TMPRSS6: variants seen among roughly 807,000 people sequenced by gnomAD.
TMPRSS6 encodes the protein transmembrane protease serine 6.
Under a neutral mutation model 101.5 loss-of-function variants are expected in TMPRSS6, and 67 were observed. That is an observed-to-expected ratio of 0.66 (90% CI 0.54 to 0.81). TMPRSS6 has a LOEUF of 0.81. Among genes scored for constraint, TMPRSS6 ranks in the 30% least tolerant of loss-of-function variants. TMPRSS6 has a pLI of 0.00. For synonymous variants in TMPRSS6, 453 were observed against 464.9 expected (o/e 0.97, Z 0.33); for missense variants, 1,034 against 1,088.7 (o/e 0.95, Z 0.71).
chr22:37,087,540 G>A (rs1008048977), intron 7 of TMPRSS6, among the ~76,000 whole-genome samples: 2 of 152,062 alleles, frequency 1.3e-5, no homozygotes, highest in Non-Finnish European at 2.9e-5. Context: ...CATTTCCCCT[G>A]GCCTCTTGCC....
At chr22:37,100,087 C>T (rs9610649) in intron 2 of TMPRSS6, among the ~76,000 whole-genome samples, 54,925 of 152,054 alleles carry the variant, frequency 0.36, 10,094 homozygotes, top group African/African-American at 0.37. Context: ...CCTGCCTCAG[C>T]CTCGCAAGTA....
intron 10 of TMPRSS6, among the ~76,000 whole-genome samples, chr22:37,078,972 A>AG (rs1491237753): frequency 4.2e-4 from 9 of 21,284 alleles, no homozygotes; most frequent in South Asian, 2.6e-3. Flanking sequence ...AGAAAGAAAG[A>AG]AAAAGAAAGA....
Position 37,066,814 on chromosome 22 carries a change from C to A in TMPRSS6, c.2250+12G>T. ...CTCCCTCCTCTCTCCCTCCCATGCC[C>A]GGGGGACTCACCTGACAGGCATCCT... On this transcript the variant is annotated intron_variant, in intron 17 of 17. Transcript: ENST00000676104. The A allele has an allele frequency of 6.2e-7, 1 of 1,614,148 alleles. No individual in the cohort carries two copies.
rs900336646 is a variant in TMPRSS6, at chr22:37,065,730, G to A, written c.*350C>T. ...AAACAGCCTCTGTACAGAGTGGGGC[G>A]CACCTCAGACACTCCTCGGGATGTA... is the stretch of plus-strand genomic sequence containing the variant. On this transcript the variant is annotated 3_prime_UTR_variant, in exon 18 of 18. Coordinates refer to ENST00000676104, the MANE Select transcript of TMPRSS6 (RefSeq NM_001374504.1). The A allele has an allele frequency of 4.2e-5, 15 of 354,764 alleles. No homozygotes were observed. Among genetic ancestry groups the A allele is most frequent in the East Asian group, 3.2e-4 (5 of 15,858 alleles). The allele number at this position is 354,764 out of a possible 1,614,324, so 22.0% of individuals were successfully genotyped here.
In TMPRSS6 at chr22:37,066,374, T is replaced by C. The variant is rs1479897716; in HGVS notation, c.2251-136A>G. ...GTCACGTTCAGTCTTAAAGCTCTGC[T>C]TTCCCCTCGCCTGCTAAATGGAGAG... is the stretch of plus-strand genomic sequence containing the variant. On this transcript the variant is annotated intron_variant, in intron 17 of 17. Coordinates refer to ENST00000676104, the MANE Select transcript of TMPRSS6 (RefSeq NM_001374504.1). The C allele has an allele frequency of 1.0e-5, 10 of 975,518 alleles. No homozygotes were observed. The East Asian group carries it at 2.6e-4, about 26-fold the overall frequency. 60.4% of individuals were successfully genotyped at this position (975,518 alleles called of 1,614,324 possible). A position where few individuals can be genotyped will look rare whatever the true frequency, so the allele number is the denominator to read the frequency against.
At chr22:37,085,217 C>T (rs145223620) in intron 8 of TMPRSS6, among the ~76,000 whole-genome samples, 366 of 152,166 alleles carry the variant, frequency 2.4e-3, no homozygotes, top group African/African-American at 8.3e-3. Context: ...AGATGAGGTT[C>T]GGAGAAAAGG....
At chr22:37,098,851 A>G (rs1930055738) in intron 2 of TMPRSS6, among the ~76,000 whole-genome samples, 2 of 152,208 alleles carry the variant, frequency 1.3e-5, no homozygotes, top group Admixed American at 6.5e-5. Flanking sequence ...CACCAATGAC[A>G]TGAAGGCCAG....
intron 13 of TMPRSS6, among the ~76,000 whole-genome samples, chr22:37,072,400 TGATG>T (rs1484924793): frequency 1.6e-5 from 2 of 127,174 alleles, no homozygotes; most frequent in South Asian, 2.6e-4. Context: ...GATCGATGGA[TGATG>T]GATGGATGGA....
chr22:37,069,361 T>A lies in TMPRSS6; in HGVS notation c.1842-17A>T. The A allele has an allele frequency of 2.5e-5, 3 of 122,448 alleles. No homozygotes were observed. Among genetic ancestry groups the A allele is most frequent in the Non-Finnish European group, 4.5e-5 (3 of 66,984 alleles). 7.6% of individuals were successfully genotyped at this position (122,448 alleles called of 1,614,324 possible). A position where few individuals can be genotyped will look rare whatever the true frequency, so the allele number is the denominator to read the frequency against. ...GAGGCCATGCTGGGGTGGGGTGGGG[T>A]GGGGTGGGGTGGGGTGAGGTGAGGT... On this transcript the variant is annotated splice_polypyrimidine_tract_variant and intron_variant, in intron 15 of 17. Coordinates refer to ENST00000676104, the MANE Select transcript of TMPRSS6 (RefSeq NM_001374504.1). The surrounding 1 kb of genome is among the most constrained non-coding windows in gnomAD (Gnocchi z 4.8).
chr22:37,072,948 CGATGGGTGGATGACG>C (rs1350091024), intron 13 of TMPRSS6, among the ~76,000 whole-genome samples: 8 of 116,028 alleles, frequency 6.9e-5, no homozygotes, highest in Non-Finnish European at 1.0e-4. Context: ...GATGGATGAT[CGATGGGTGGATGACG>C]GATGGGTGGA....
chr22:37,080,713 G>T (rs1289991912), intron 10 of TMPRSS6, among the ~76,000 whole-genome samples: 1 of 152,222 alleles, frequency 6.6e-6, no homozygotes, highest in Non-Finnish European at 1.5e-5. Flanking sequence ...TCTGCCCCTG[G>T]GGACCCTGGA....
chr22:37,094,413 A>AGATG (rs1331940380), intron 6 of TMPRSS6, among the ~76,000 whole-genome samples: 1 of 150,842 alleles, frequency 6.6e-6, no homozygotes, highest in African/African-American at 2.4e-5. Context: ...ATAGATAGAT[A>AGATG]GATAGATAGA....
At chr22:37,068,568 C>G in intron 16 of TMPRSS6, 2 of 779,110 alleles carry the variant, frequency 2.6e-6, no homozygotes, top group Non-Finnish European at 4.8e-6. Context: ...AGGCAGCCAG[C>G]CCTGGGTTCT....
Position 37,068,573 on chromosome 22 carries a change from G to C in TMPRSS6, c.2113+500C>G, listed in dbSNP as rs140505332. ...GGGGCTCTGGAGGCAGCCAGCCCTG[G>C]GTTCTAATCTTTGCTCCAGTCCTCT... On this transcript the variant is annotated intron_variant, in intron 16 of 17. Coordinates refer to ENST00000676104, the MANE Select transcript of TMPRSS6 (RefSeq NM_001374504.1). The C allele has an allele frequency of 3.0e-3, 2,324 of 779,266 alleles. 28 individuals carry two copies. The highest frequency in any genetic ancestry group is 0.025 in the African/African-American group (1,500 of 59,258). 48.3% of individuals were successfully genotyped at this position (779,266 alleles called of 1,614,324 possible). A position where few individuals can be genotyped will look rare whatever the true frequency, so the allele number is the denominator to read the frequency against.
chr22:37,068,684 G>A lies in TMPRSS6; in HGVS notation c.2113+389C>T, dbSNP rs114015797. The A allele has an allele frequency of 3.1e-3, 2,440 of 779,712 alleles. 48 individuals are homozygous for A. The African/African-American group carries it at 0.037, about 12-fold the overall frequency. The allele number at this position is 779,712 out of a possible 1,614,324, so 48.3% of individuals were successfully genotyped here. ...GGCCACAGCATCCGCCCGTAGGGCT[G>A]TTGGGTGGATTATATGAAGTCAAGT... is the stretch of plus-strand genomic sequence containing the variant. On this transcript the variant is annotated intron_variant, in intron 16 of 17. Transcript: ENST00000676104.
chr22:37,079,892 G>C (rs965741848), intron 10 of TMPRSS6, among the ~76,000 whole-genome samples: 1 of 152,262 alleles, frequency 6.6e-6, no homozygotes, highest in Non-Finnish European at 1.5e-5. Flanking sequence ...GCTGCCGCCT[G>C]TGCTGGCCAC....
chr22:37,067,581 C>G (rs562871383), intron 16 of TMPRSS6, among the ~76,000 whole-genome samples: 1 of 152,326 alleles, frequency 6.6e-6, no homozygotes, highest in East Asian at 1.9e-4. Context: ...GCTGGCTCCT[C>G]GCTGCTCTGT....
At chr22:37,072,068 GGATGGAT>G (rs2146042432) in intron 13 of TMPRSS6, among the ~76,000 whole-genome samples, 1 of 151,366 alleles carries the variant, frequency 6.6e-6, no homozygotes, top group East Asian at 2.0e-4. Flanking sequence ...ATGGATGGTT[GGATGGAT>G]GATGGATGGA....
chr22:37,083,657 G>A (rs111550394), intron 10 of TMPRSS6, among the ~76,000 whole-genome samples: 128 of 152,366 alleles, frequency 8.4e-4, no homozygotes, highest in African/African-American at 3.0e-3. Flanking sequence ...TAGTGACCCT[G>A]GCAACGGTAG....
Sources: gnomAD v4.1 joint callset for allele counts (sites outside exome capture counted in the v4.1 genomes callset) on GRCh38, gnomAD v4.1.1 for gene constraint, Gnocchi (gnomAD v3.1) non-coding constraint, MANE v1.5 for transcripts, NCBI Gene and HGNC (gene_info 2026-07-23, HGNC 2026-07-21) for gene names.